CNIH3: variants seen among roughly 807,000 people sequenced by gnomAD.
CNIH3 encodes cornichon family AMPA receptor auxiliary protein 3.
A neutral mutation model predicts 24.1 loss-of-function variants in CNIH3; 14 were observed. That is an observed-to-expected ratio of 0.58 (90% CI 0.38 to 0.91). CNIH3 has a LOEUF of 0.91. Among genes scored for constraint, CNIH3 ranks in the 40% least tolerant of loss-of-function variants. CNIH3 has a pLI of 0.00. For synonymous variants in CNIH3, 68 were observed against 73.8 expected (o/e 0.92, Z 0.40); for missense variants, 178 against 196.8 (o/e 0.90, Z 0.57).
At position 224,723,318 on chromosome 1, in the gene CNIH3, G is replaced by A. The variant is rs551686859; in HGVS notation, c.199-7144G>A. Among the ~76,000 whole-genome samples the A allele has an allele frequency of 7.2e-5, 11 of 151,946 alleles. No individual in the cohort carries two copies. The South Asian group carries it at 2.3e-3, about 31-fold the overall frequency. ...GGAGCAATGGGCAGCAGGGGTGCTG[G>A]TTTTGACCCCCCTTCTCTCTCTGTG... On this transcript the variant is annotated intron_variant, in intron 3 of 5. Transcript: ENST00000272133.
chr1:224,709,759 GA>G (rs1192839223), intron 3 of CNIH3, among the ~76,000 whole-genome samples: 1 of 152,124 alleles, frequency 6.6e-6, no homozygotes, highest in Non-Finnish European at 1.5e-5. Context: ...CAGGAATACA[GA>G]AAGAGGAAGA....
At chr1:224,673,807 ATT>A (rs55650875) in intron 1 of CNIH3, among the ~76,000 whole-genome samples, 32,702 of 148,388 alleles carry the variant, frequency 0.22, 3,561 homozygotes, top group East Asian at 0.27. Context: ...TCTAGTCAGT[ATT>A]TTTTTTTTTG....
chr1:224,501,634 G>T (rs1369224246), intron 1 of CNIH3, among the ~76,000 whole-genome samples: 2 of 150,886 alleles, frequency 1.3e-5, no homozygotes, highest in African/African-American at 4.9e-5. Context: ...AGGCTGGAGT[G>T]CAGTGGCGCG....
intron 3 of CNIH3, among the ~76,000 whole-genome samples, chr1:224,601,288 C>T (rs1047369886): frequency 6.6e-6 from 1 of 152,178 alleles, no homozygotes; most frequent in Non-Finnish European, 1.5e-5. Context: ...GTGCTGCATG[C>T]AGAGTGTGTT....
intron 1 of CNIH3, among the ~76,000 whole-genome samples, chr1:224,670,047 G>A (rs1040996304): frequency 1.3e-5 from 2 of 152,144 alleles, no homozygotes; most frequent in African/African-American, 4.8e-5. Flanking sequence ...TTGAGGTAGA[G>A]ATTATTCTCA....
chr1:224,642,535 T>C (rs879831068), intron 1 of CNIH3, among the ~76,000 whole-genome samples: 18 of 152,162 alleles, frequency 1.2e-4, no homozygotes, highest in Admixed American at 1.2e-3. Flanking sequence ...TGGCTGTAGC[T>C]ATGATGGTGT....
chr1:224,536,200 G>T (rs1679274447), intron 2 of CNIH3, among the ~76,000 whole-genome samples: 1 of 149,954 alleles, frequency 6.7e-6, no homozygotes, highest in Admixed American at 6.7e-5. Context: ...ATGCCTAGTA[G>T]AAAAAGTCTC....
chr1:224,471,019 G>A (rs951977336), intron 1 of CNIH3, among the ~76,000 whole-genome samples: 1 of 151,978 alleles, frequency 6.6e-6, no homozygotes, highest in African/African-American at 2.4e-5. Flanking sequence ...TAGTCACCTC[G>A]TTGTGCTAGC....
At chr1:224,730,304 T>C (rs1037964523) in intron 3 of CNIH3, 158 bp from the exon 4 acceptor site, 2 of 570,396 alleles carry the variant, frequency 3.5e-6, no homozygotes, top group Non-Finnish European at 6.3e-6. Flanking sequence ...TTACCAGAAA[T>C]GGATCTGTGT....
chr1:224,550,112 G>A (rs527334681), intron 3 of CNIH3, among the ~76,000 whole-genome samples: 1 of 152,236 alleles, frequency 6.6e-6, no homozygotes, highest in African/African-American at 2.4e-5. Flanking sequence ...AGAAATATCA[G>A]TGATGATAGT....
intron 4 of CNIH3, among the ~76,000 whole-genome samples, chr1:224,570,112 T>C (rs1349321345): frequency 1.3e-5 from 2 of 152,196 alleles, no homozygotes; most frequent in African/African-American, 4.8e-5. Context: ...ATATGGATAC[T>C]TATGTTTCTT....
intron 3 of CNIH3, among the ~76,000 whole-genome samples, chr1:224,554,398 A>G (rs569470411): frequency 6.6e-6 from 1 of 152,300 alleles, no homozygotes; most frequent in African/African-American, 2.4e-5. Context: ...CTTTACATGT[A>G]CAGTCACCCC....
chr1:224,661,656 C>T (rs7554310), intron 1 of CNIH3: 67,185 of 261,702 alleles, frequency 0.26, 9,217 homozygotes, highest in Admixed American at 0.39. Flanking sequence ...ACTTCCGCCA[C>T]GTCCTCTACC....
At chr1:224,595,823 C>T (rs1681953902) in intron 3 of CNIH3, among the ~76,000 whole-genome samples, 1 of 152,202 alleles carries the variant, frequency 6.6e-6, no homozygotes, top group Non-Finnish European at 1.5e-5. Flanking sequence ...AACCAGCCAC[C>T]ACATTCCCTT....
chr1:224,677,428 T>C (rs1686191611), intron 1 of CNIH3, among the ~76,000 whole-genome samples: 1 of 152,180 alleles, frequency 6.6e-6, no homozygotes, highest in Admixed American at 6.5e-5. Context: ...GCTGGCTGAA[T>C]GTTAGGTGAA....
intron 1 of CNIH3, among the ~76,000 whole-genome samples, chr1:224,460,158 C>G (rs1041257100): frequency 6.6e-6 from 1 of 152,076 alleles, no homozygotes; most frequent in Non-Finnish European, 1.5e-5. Flanking sequence ...TCCCAGGGTG[C>G]TAGGATTACA....
chr1:224,716,894 C>T (rs542924962), intron 3 of CNIH3, among the ~76,000 whole-genome samples: 7 of 152,338 alleles, frequency 4.6e-5, no homozygotes, highest in African/African-American at 1.7e-4. Context: ...TCATCAGGCC[C>T]CTTCAGAACA....
At chr1:224,727,107 C>T (rs1020217720) in intron 3 of CNIH3, among the ~76,000 whole-genome samples, 22 of 152,166 alleles carry the variant, frequency 1.4e-4, no homozygotes, top group African/African-American at 5.1e-4. Context: ...CGAGCATGTC[C>T]GGTGACAGGG....
intron 1 of CNIH3, among the ~76,000 whole-genome samples, chr1:224,674,996 G>A (rs1422963512): frequency 6.6e-6 from 1 of 152,176 alleles, no homozygotes; most frequent in African/African-American, 2.4e-5. Flanking sequence ...GCAGCGTAGA[G>A]GCAATCTGGC....
Sources: gnomAD v4.1 joint callset for allele counts (sites outside exome capture counted in the v4.1 genomes callset) on GRCh38, gnomAD v4.1.1 for gene constraint, MANE v1.5 for transcripts, NCBI Gene and HGNC (gene_info 2026-07-23, HGNC 2026-07-21) for gene names.